Variants in LRRTM4 observed in about 807,000 individuals in gnomAD.
LRRTM4 encodes the protein leucine rich repeat transmembrane neuronal 4, also known as leucine-rich repeat transmembrane neuronal protein 4.
A neutral mutation model predicts 47.6 loss-of-function variants in LRRTM4; 25 were observed. That is an observed-to-expected ratio of 0.53 (90% CI 0.38 to 0.73). The LOEUF is 0.73. Ranked by LOEUF, LRRTM4 falls within the 30% of genes least tolerant of loss-of-function variation. LRRTM4 has a pLI of 0.00. For synonymous variants in LRRTM4, 311 were observed against 269.5 expected, an observed-to-expected ratio of 1.15 and a Z score of -1.51; for missense variants, 638 against 713.4, an observed-to-expected ratio of 0.89 and a Z score of 1.20.
chr2:77,185,352 C>T (rs943504847), intron 3 of LRRTM4, among the ~76,000 whole-genome samples: 2 of 152,108 alleles, frequency 1.3e-5, no homozygotes, highest in African/African-American at 4.8e-5. Context: ...ATTTTCAAAA[C>T]AGCTCTATCA....
chr2:77,386,950 A>T (rs1673303693), intron 3 of LRRTM4, among the ~76,000 whole-genome samples: 1 of 152,142 alleles, frequency 6.6e-6, no homozygotes, highest in South Asian at 2.1e-4. Flanking sequence ...CTTAAAAAAA[A>T]TAAAGTTGGT....
At chr2:76,961,785 A>G (rs1299762457) in intron 3 of LRRTM4, among the ~76,000 whole-genome samples, 1 of 151,324 alleles carries the variant, frequency 6.6e-6, no homozygotes, top group East Asian at 1.9e-4. Flanking sequence ...GATACATACT[A>G]TACATATGTA....
intron 3 of LRRTM4, among the ~76,000 whole-genome samples, chr2:76,991,541 T>A (rs1328150580): frequency 1.3e-5 from 2 of 151,730 alleles, no homozygotes. Flanking sequence ...AGCGGAAATT[T>A]ATAACAAATT....
intron 3 of LRRTM4, among the ~76,000 whole-genome samples, chr2:77,289,969 T>G (rs1676774308): frequency 6.6e-6 from 1 of 152,024 alleles, no homozygotes; most frequent in Non-Finnish European, 1.5e-5. Context: ...ATTGTGTGAT[T>G]GTAGTAGTAG....
At chr2:77,489,299 A>G (rs1678048019) in intron 3 of LRRTM4, among the ~76,000 whole-genome samples, 1 of 152,148 alleles carries the variant, frequency 6.6e-6, no homozygotes, top group Non-Finnish European at 1.5e-5. Flanking sequence ...TCAAGTTTTC[A>G]TTTACACAGA....
At chr2:77,049,897 T>C (rs961701860) in intron 3 of LRRTM4, among the ~76,000 whole-genome samples, 1 of 152,116 alleles carries the variant, frequency 6.6e-6, no homozygotes, top group African/African-American at 2.4e-5. Context: ...TTCCTCTCTC[T>C]GTATATATTT....
chr2:77,137,808 A>C (rs930187569), intron 3 of LRRTM4, among the ~76,000 whole-genome samples: 1 of 152,164 alleles, frequency 6.6e-6, no homozygotes, highest in East Asian at 1.9e-4. Flanking sequence ...AAACAAAAAA[A>C]GGCAGGATTT....
At chr2:77,161,360 A>G (rs982950103) in intron 3 of LRRTM4, among the ~76,000 whole-genome samples, 3 of 152,080 alleles carry the variant, frequency 2.0e-5, no homozygotes, top group African/African-American at 7.2e-5. Flanking sequence ...TCCATTCCCT[A>G]TGCCTCTGCC....
chr2:77,043,384 C>A (rs575683580), intron 3 of LRRTM4, among the ~76,000 whole-genome samples: 1 of 151,768 alleles, frequency 6.6e-6, no homozygotes, highest in Admixed American at 6.6e-5. Context: ...GTCTTCGCAA[C>A]AGTATTGTCC....
chr2:77,134,148 A>C (rs1411853087), intron 3 of LRRTM4, among the ~76,000 whole-genome samples: 3 of 152,130 alleles, frequency 2.0e-5, no homozygotes, highest in African/African-American at 7.2e-5. Context: ...CTGCAAATCC[A>C]AAAATTTCTA....
At chr2:77,405,431 T>C (rs145720576) in intron 3 of LRRTM4, among the ~76,000 whole-genome samples, 2 of 152,190 alleles carry the variant, frequency 1.3e-5, no homozygotes, top group African/African-American at 4.8e-5. Flanking sequence ...TGGAACAACA[T>C]GCACTTTCTT....
chr2:77,320,241 C>G (rs1002318905), intron 3 of LRRTM4, among the ~76,000 whole-genome samples: 1 of 152,084 alleles, frequency 6.6e-6, no homozygotes, highest in Non-Finnish European at 1.5e-5. Flanking sequence ...GGTACTTTAA[C>G]AAGAGACTAG....
chr2:77,070,285 G>A (rs142672455), intron 3 of LRRTM4, among the ~76,000 whole-genome samples: 2 of 152,038 alleles, frequency 1.3e-5, no homozygotes, highest in African/African-American at 4.8e-5. Flanking sequence ...CATGACTTTG[G>A]TTAGTTTCAA....
At chr2:76,839,839 GA>G (rs1671620817) in intron 3 of LRRTM4, among the ~76,000 whole-genome samples, 1 of 151,606 alleles carries the variant, frequency 6.6e-6, no homozygotes. Context: ...TGCATAAAAA[GA>G]AAGTATTTGT....
chr2:76,893,667 C>G (rs1673322530), intron 3 of LRRTM4, among the ~76,000 whole-genome samples: 1 of 151,694 alleles, frequency 6.6e-6, no homozygotes. Flanking sequence ...AGAACTCATC[C>G]TAAGAAGATG....
chr2:77,251,748 C>T (rs968037568), intron 3 of LRRTM4, among the ~76,000 whole-genome samples: 1 of 152,110 alleles, frequency 6.6e-6, no homozygotes, highest in African/African-American at 2.4e-5. Context: ...TTGCACTCAC[C>T]CACTATACTC....
intron 3 of LRRTM4, among the ~76,000 whole-genome samples, chr2:77,440,628 C>T (rs1364578626): frequency 6.6e-6 from 1 of 152,092 alleles, no homozygotes; most frequent in Non-Finnish European, 1.5e-5. Flanking sequence ...AAATCAGCAC[C>T]GATTCTGTTG....
chr2:77,241,388 C>G (rs958559675), intron 3 of LRRTM4, among the ~76,000 whole-genome samples: 4 of 151,982 alleles, frequency 2.6e-5, no homozygotes, highest in Non-Finnish European at 5.9e-5. Context: ...CAATGCATAC[C>G]TTGCACTCTA....
At chr2:77,204,525 T>A (rs1674066102) in intron 3 of LRRTM4, among the ~76,000 whole-genome samples, 3 of 152,092 alleles carry the variant, frequency 2.0e-5, no homozygotes, top group African/African-American at 7.2e-5. Context: ...GGTGGATACT[T>A]AACTTCTCCT....
Sources: gnomAD v4.1 joint callset for allele counts (sites outside exome capture counted in the v4.1 genomes callset) on GRCh38, gnomAD v4.1.1 for gene constraint, MANE v1.5 for transcripts, NCBI Gene and HGNC (gene_info 2026-07-23, HGNC 2026-07-21) for gene names.